The following CALN1 variants were observed in gnomAD, a reference collection of about 807,000 sequenced individuals.
CALN1 encodes the protein calneuron 1.
In CALN1, 17 loss-of-function variants were observed where a neutral mutation model predicts 30.6. The observed-to-expected ratio is 0.56, with a 90% CI of 0.38 to 0.83. The LOEUF is 0.83. Among genes scored for constraint, CALN1 ranks in the 40% least tolerant of loss-of-function variants. The pLI is 0.00. For missense variants in CALN1, 291 were observed against 354.9 expected, an observed-to-expected ratio of 0.82 and a Z score of 1.45; for synonymous variants, 156 against 131.4, an observed-to-expected ratio of 1.19 and a Z score of -1.28.
At chr7:72,297,874 C>A (rs563547978) in intron 2 of CALN1, among the ~76,000 whole-genome samples, 1 of 152,168 alleles carries the variant, frequency 6.6e-6, no homozygotes, top group Non-Finnish European at 1.5e-5. Context: ...AAAGCAGTTG[C>A]ATTTTCATAT....
intron 3 of CALN1, among the ~76,000 whole-genome samples, chr7:72,240,440 C>T (rs1218750467): frequency 2.0e-5 from 3 of 152,168 alleles, no homozygotes; most frequent in Admixed American, 6.5e-5. Context: ...AGCAATTCTC[C>T]AGCCTTGGCC....
At chr7:72,205,572 A>ATATATATATATATAT in intron 3 of CALN1, among the ~76,000 whole-genome samples, 1 of 126,688 alleles carries the variant, frequency 7.9e-6, no homozygotes, top group Non-Finnish European at 1.6e-5. Context: ...ATATATGTAT[A>ATATATATATATATAT]TATATATATA....
intron 4 of CALN1, among the ~76,000 whole-genome samples, chr7:72,063,373 A>G (rs917210): frequency 6.6e-6 from 1 of 152,040 alleles, no homozygotes; most frequent in Non-Finnish European, 1.5e-5. Flanking sequence ...CAATGCCATA[A>G]GTCTCTTGGG....
At chr7:71,894,695 T>C (rs1215512963) in intron 5 of CALN1, among the ~76,000 whole-genome samples, 2 of 152,230 alleles carry the variant, frequency 1.3e-5, no homozygotes, top group Non-Finnish European at 2.9e-5. Context: ...ATCTATGCAT[T>C]AATCTGAAGG....
At chr7:72,134,617 A>G (rs1809379954) in intron 3 of CALN1, among the ~76,000 whole-genome samples, 1 of 152,264 alleles carries the variant, frequency 6.6e-6, no homozygotes, top group African/African-American at 2.4e-5. Flanking sequence ...AAATATATGA[A>G]CAATCATCTG....
At chr7:72,302,582 G>A (rs1287851908) in intron 2 of CALN1, among the ~76,000 whole-genome samples, 1 of 152,016 alleles carries the variant, frequency 6.6e-6, no homozygotes, top group Admixed American at 6.6e-5. Flanking sequence ...AGCATACCAA[G>A]CCCCCATCTC....
chr7:72,263,035 T>A (rs1054894355), intron 3 of CALN1, among the ~76,000 whole-genome samples: 1 of 152,238 alleles, frequency 6.6e-6, no homozygotes, highest in Admixed American at 6.5e-5. Flanking sequence ...AACAATTGCA[T>A]TGGACCCTGT....
intron 5 of CALN1, among the ~76,000 whole-genome samples, chr7:71,909,837 T>A (rs779712525): frequency 5.3e-5 from 8 of 152,160 alleles, no homozygotes; most frequent in Non-Finnish European, 1.2e-4. Flanking sequence ...TGATAACCCC[T>A]TAGAGACCCA....
At chr7:72,499,843 T>C in the CALN1 span, among the ~76,000 whole-genome samples, 45 of 26,124 alleles carry the variant, frequency 1.7e-3, 2 homozygotes, top group Admixed American at 6.0e-3. Flanking sequence ...CTTTCTTTCT[T>C]TCTTTCTTTC....
chr7:72,374,365 C>T (rs527509894), intron 2 of CALN1, among the ~76,000 whole-genome samples: 2 of 152,096 alleles, frequency 1.3e-5, no homozygotes, highest in East Asian at 3.9e-4. Flanking sequence ...CCCGTCTCTA[C>T]TAAAAATACA....
chr7:71,876,395 T>A (rs1266131813), intron 5 of CALN1, among the ~76,000 whole-genome samples: 1 of 151,556 alleles, frequency 6.6e-6, no homozygotes, highest in African/African-American at 2.4e-5. Flanking sequence ...CATTTTTCCA[T>A]CGTGTTACAA....
At chr7:72,471,267 G>C in the CALN1 span, among the ~76,000 whole-genome samples, 1 of 152,110 alleles carries the variant, frequency 6.6e-6, no homozygotes, top group Non-Finnish European at 1.5e-5. Context: ...CTTTTCATGA[G>C]GCATTTCTAG....
intron 3 of CALN1, among the ~76,000 whole-genome samples, chr7:72,205,720 G>A (rs1449268994): frequency 6.7e-6 from 1 of 150,140 alleles, no homozygotes; most frequent in African/African-American, 2.5e-5. Context: ...TATACCTTAT[G>A]ACTTTGGGGT....
intron 2 of CALN1, among the ~76,000 whole-genome samples, chr7:72,383,416 T>C (rs1444601134): frequency 6.6e-6 from 1 of 152,066 alleles, no homozygotes; most frequent in Non-Finnish European, 1.5e-5. Context: ...TGCAGCCTCA[T>C]CAGCATGTTA....
rs147488491 is a variant in CALN1 at position 72,311,623 on chromosome 7, G to A, written c.120-32813C>T. Among the ~76,000 whole-genome samples, 914 of 148,944 alleles carry A rather than the reference G, an allele frequency of 6.1e-3. 13 individuals carry two copies. Among genetic ancestry groups the A allele is most frequent in the African/African-American group, 0.021 (864 of 40,358 alleles). ...GCCTCCCAAGTAGCTGGGACTACAGGCACATGCCACCACAACGCCTGGCTG... is the reference window on the plus strand; with the variant it reads ...GCCTCCCAAGTAGCTGGGACTACAGACACATGCCACCACAACGCCTGGCTG... On this transcript the variant is annotated intron_variant, in intron 2 of 6. Transcript: ENST00000395275.
At chr7:72,338,500 T>A (rs1021403842) in intron 2 of CALN1, among the ~76,000 whole-genome samples, 4 of 145,732 alleles carry the variant, frequency 2.7e-5, no homozygotes, top group African/African-American at 1.0e-4. Context: ...TGTGTGTGTG[T>A]GTGTGTGTGT....
chr7:71,872,536 T>C (rs534295957), intron 5 of CALN1, among the ~76,000 whole-genome samples: 59 of 152,328 alleles, frequency 3.9e-4, no homozygotes, highest in African/African-American at 1.3e-3. Context: ...TGGGTTTTTA[T>C]TGTCTACTAA....
rs1806612573 is a variant in CALN1 at position 72,405,130 on chromosome 7, G to C, written c.-73-1688C>G. On this transcript the variant is annotated intron_variant, in intron 1 of 6. Transcript: ENST00000395275. Reference sequence around the variant, plus strand: ...CAGGAATGATGAGATACGACAGGAAGGGTGTTATGTCCTGCGATTGGGCCG... The same window carrying C: ...CAGGAATGATGAGATACGACAGGAACGGTGTTATGTCCTGCGATTGGGCCG... 2.0e-5 allele frequency among the ~76,000 whole-genome samples: 3 copies of C among 152,198 alleles called. 1 individual carries two copies. In the South Asian group the frequency reaches 6.2e-4, roughly 32 times the overall value.
chr7:71,940,109 C>T (rs1796050263), intron 5 of CALN1, among the ~76,000 whole-genome samples: 1 of 152,182 alleles, frequency 6.6e-6, no homozygotes, highest in South Asian at 2.1e-4. Flanking sequence ...CAACTGGAAA[C>T]CTGGAAGTTT....
Sources: allele counts gnomAD v4.1 joint callset (sites outside exome capture counted in the v4.1 genomes callset), GRCh38; gene constraint gnomAD v4.1.1; transcripts MANE v1.5; gene names NCBI Gene and HGNC (gene_info 2026-07-23, HGNC 2026-07-21).